Variants in TRPM3 observed in about 807,000 individuals in gnomAD.
TRPM3 encodes long transient receptor potential channel 3.
A neutral mutation model predicts 181.2 loss-of-function variants in TRPM3; 77 were observed. The ratio of observed to expected loss-of-function variants is 0.42; its 90% confidence interval spans 0.35 to 0.51. The LOEUF is 0.51. TRPM3 is among the 20% of genes least tolerant of loss of function. TRPM3 has a pLI of 0.01. For missense variants in TRPM3, 1,759 were observed against 2,196.7 expected (o/e 0.80, Z 3.98); for synonymous variants, 745 against 796.4 (o/e 0.94, Z 1.09).
intron 1 of TRPM3, among the ~76,000 whole-genome samples, chr9:71,126,697 A>G (rs1338746627): frequency 6.6e-6 from 1 of 152,254 alleles, no homozygotes; most frequent in Non-Finnish European, 1.5e-5. Flanking sequence ...TAGGTTAAGC[A>G]GCATTTATTC....
rs1382657977 is a variant in TRPM3, at chr9:71,434,439, G to T, written c.183+12214C>A. The stretch of plus-strand genomic sequence containing the variant: ...TGCCAGAACCTTGATCTTGGACTTT[G>T]CAGCCTTCAATATGATAAGAAATAA... On this transcript the variant is annotated intron_variant, in intron 1 of 24. Coordinates refer to the TRPM3 transcript ENST00000357533. Among the ~76,000 whole-genome samples, 5 of 152,114 alleles carry T rather than the reference G, an allele frequency of 3.3e-5. 1 individual carries two copies. The highest frequency in any genetic ancestry group is 1.3e-4 in the Admixed American group (2 of 15,266).
chr9:70,831,977 A>ATTTATATATATATATATT (rs1414380227), intron 5 of TRPM3, among the ~76,000 whole-genome samples: 10 of 70,708 alleles, frequency 1.4e-4, no homozygotes, highest in African/African-American at 5.2e-4. Flanking sequence ...ATATATATAT[A>ATTTATATATATATATATT]TATATATATA....
At chr9:71,221,439 C>G (rs1476423738) in intron 1 of TRPM3, among the ~76,000 whole-genome samples, 1 of 152,020 alleles carries the variant, frequency 6.6e-6, no homozygotes, top group Non-Finnish European at 1.5e-5. Context: ...ATATTTTAAT[C>G]TAATATATCT....
intron 1 of TRPM3, among the ~76,000 whole-genome samples, chr9:71,350,588 A>G (rs1451097541): frequency 6.6e-6 from 1 of 152,240 alleles, no homozygotes; most frequent in Non-Finnish European, 1.5e-5. Context: ...GAAGATTTGT[A>G]TCACCTAAAA....
chr9:70,745,547 T>C (rs1023108218), intron 8 of TRPM3, among the ~76,000 whole-genome samples: 20 of 152,214 alleles, frequency 1.3e-4, no homozygotes, highest in South Asian at 2.1e-4. Flanking sequence ...TACAATTCAG[T>C]ATCTATCTCA....
chr9:70,629,799 G>C (rs950215450), intron 12 of TRPM3, among the ~76,000 whole-genome samples: 3 of 152,236 alleles, frequency 2.0e-5, no homozygotes, highest in Admixed American at 1.3e-4. Context: ...AGCCTGCAAG[G>C]CTGGATCTCA....
At chr9:70,755,645 G>C (rs2076951296) in intron 8 of TRPM3, among the ~76,000 whole-genome samples, 1 of 152,088 alleles carries the variant, frequency 6.6e-6, no homozygotes, top group African/African-American at 2.4e-5. Context: ...GGGATTACAG[G>C]TGTGAGCCAC....
chr9:70,929,167 C>CT lies in TRPM3; in HGVS notation c.178-64657dup, dbSNP rs199515595. Among the ~76,000 whole-genome samples the CT allele has an allele frequency of 4.2e-3, 597 of 141,314 alleles. 1 individual carries two copies. The highest frequency in any genetic ancestry group is 6.9e-3 in the African/African-American group (270 of 38,884). The allele number at this position is 141,314 out of a possible 152,430, so 92.7% of individuals were successfully genotyped here. On this transcript the variant is annotated intron_variant, in intron 1 of 25. Coordinates refer to ENST00000677713, the MANE Select transcript of TRPM3 (RefSeq NM_001366145.2). ...AATTACAATAGACCTTAAACATTGA[C>CT]TTTTTTTTTTTTTGCCTCATCTCTT...
chr9:71,129,019 A>G (rs770706042), intron 1 of TRPM3, among the ~76,000 whole-genome samples: 1 of 152,224 alleles, frequency 6.6e-6, no homozygotes, highest in Non-Finnish European at 1.5e-5. Context: ...GGAAACAGAG[A>G]CATACTGTGA....
At chr9:70,998,112 T>C (rs868268920) in intron 1 of TRPM3, among the ~76,000 whole-genome samples, 10 of 148,910 alleles carry the variant, frequency 6.7e-5, no homozygotes, top group African/African-American at 2.2e-4. Flanking sequence ...TATATAATGC[T>C]CTAATTGTTT....
intron 1 of TRPM3, among the ~76,000 whole-genome samples, chr9:71,239,488 C>T (rs1045895043): frequency 5.3e-5 from 8 of 152,016 alleles, no homozygotes; most frequent in African/African-American, 1.9e-4. Context: ...ACACAATGAT[C>T]CGAGTAGTTT....
intron 1 of TRPM3, among the ~76,000 whole-genome samples, chr9:70,945,797 G>A (rs2096926957): frequency 5.9e-5 from 9 of 152,126 alleles, no homozygotes; most frequent in Admixed American, 5.9e-4. Flanking sequence ...AAAATGTAGG[G>A]AAGTTCTGTA....
At chr9:70,773,833 T>C (rs938689510) in intron 7 of TRPM3, among the ~76,000 whole-genome samples, 3 of 152,222 alleles carry the variant, frequency 2.0e-5, no homozygotes, top group East Asian at 3.9e-4. Context: ...CTTTGTTCTA[T>C]CTTCCAGACA....
chr9:71,367,943 T>TTGTGTGTGTG (rs35334724), intron 1 of TRPM3, among the ~76,000 whole-genome samples: 3 of 150,736 alleles, frequency 2.0e-5, no homozygotes, highest in African/African-American at 7.3e-5. Context: ...TCCTAAGCAT[T>TTGTGTGTGTG]TGTGTGTGTG....
intron 1 of TRPM3, among the ~76,000 whole-genome samples, chr9:71,185,668 T>C (rs553916042): frequency 1.2e-3 from 183 of 152,178 alleles, no homozygotes; most frequent in Middle Eastern, 6.8e-3. Flanking sequence ...CTGTGCTATG[T>C]GTTTTATGTG....
chr9:70,990,598 C>T (rs763633776), intron 1 of TRPM3, among the ~76,000 whole-genome samples: 7 of 152,100 alleles, frequency 4.6e-5, no homozygotes, highest in Non-Finnish European at 8.8e-5. Context: ...AGGCAAAATT[C>T]ACTTCTCTCA....
intron 1 of TRPM3, among the ~76,000 whole-genome samples, chr9:71,371,201 G>C (rs1179346900): frequency 1.3e-5 from 2 of 152,192 alleles, no homozygotes; most frequent in African/African-American, 4.8e-5. Flanking sequence ...TGCAGCCCAT[G>C]GATCAAGGAG....
chr9:70,873,911 G>A (rs1391393869), intron 1 of TRPM3, among the ~76,000 whole-genome samples: 1 of 151,748 alleles, frequency 6.6e-6, no homozygotes, highest in Non-Finnish European at 1.5e-5. Flanking sequence ...CATTATTTGG[G>A]GGGTATCAAT....
intron 1 of TRPM3, among the ~76,000 whole-genome samples, chr9:70,949,402 G>C (rs950517375): frequency 2.0e-5 from 3 of 152,022 alleles, no homozygotes; most frequent in Admixed American, 6.6e-5. Context: ...TGGACAGCAC[G>C]GAGGGCAGCA....
Sources: allele counts gnomAD v4.1 joint callset (sites outside exome capture counted in the v4.1 genomes callset), GRCh38; gene constraint gnomAD v4.1.1; transcripts MANE v1.5; gene names NCBI Gene and HGNC (gene_info 2026-07-23, HGNC 2026-07-21).